MIOX: variants seen among roughly 807,000 people sequenced by gnomAD.
MIOX encodes the protein inositol oxygenase.
In MIOX, 51 loss-of-function variants were observed where a neutral mutation model predicts 42.7. That is an observed-to-expected ratio of 1.19 (90% CI 0.95 to 1.51). MIOX has a LOEUF of 1.51. Among genes scored for constraint, MIOX ranks in the 40% most tolerant of loss-of-function variants. The pLI, the probability that MIOX is intolerant of heterozygous loss-of-function variation, is 0.00. For missense variants in MIOX, 395 were observed against 381.3 expected (o/e 1.04, Z -0.30); for synonymous variants, 168 against 154.4 (o/e 1.09, Z -0.65).
chr22:50,490,183 T>A lies in MIOX; in HGVS notation c.*327T>A, dbSNP rs2068343746. 5 of 361,438 alleles carry A rather than the reference T, an allele frequency of 1.4e-5. No homozygotes were observed. Among genetic ancestry groups the A allele is most frequent in the Admixed American group, 4.0e-5 (1 of 24,796 alleles). 22.4% of individuals were successfully genotyped at this position (361,438 alleles called of 1,614,324 possible). A position where few individuals can be genotyped will look rare whatever the true frequency, so the allele number is the denominator to read the frequency against. On this transcript the variant is annotated 3_prime_UTR_variant, in exon 10 of 10. Transcript: ENST00000216075. ...GGCCGTGGTAAACATCTGCCCATCCTCCCAGCTCCTGTGTCAGAGCCTGGG... is the reference window on the plus strand; with the variant it reads ...GGCCGTGGTAAACATCTGCCCATCCACCCAGCTCCTGTGTCAGAGCCTGGG...
rs533187669 is a variant in MIOX, at chr22:50,488,469, G to A, written c.408+127G>A. The A allele has an allele frequency of 6.3e-4, 450 of 713,690 alleles. 5 individuals are homozygous for A. In the East Asian group the frequency reaches 0.011, roughly 17 times the overall value. 44.2% of individuals were successfully genotyped at this position (713,690 alleles called of 1,614,324 possible). A position where few individuals can be genotyped will look rare whatever the true frequency, so the allele number is the denominator to read the frequency against. ...AGTGCACCCCCCACGGCCCCCCGAC[G>A]GCTGCCTGTCCCTCTGGTGGCCTCG... On this transcript the variant is annotated intron_variant, in intron 5 of 9. Coordinates refer to ENST00000216075, the MANE Select transcript of MIOX (RefSeq NM_017584.6).
chr22:50,487,538 GT>G, intron 2 of MIOX, 73 bp downstream of exon 2: 2 of 1,555,404 alleles, frequency 1.3e-6, no homozygotes, highest in Non-Finnish European at 1.8e-6. Context: ...CCTTCACACA[GT>G]TCCAGGGGGT....
rs2068341851 is a variant in MIOX at position 50,490,011 on chromosome 22, C to T, written c.*155C>T. ...CGCCACCCCTCACGGCAACTTGTGC[C>T]TGGCGTCAATAAAGACCTGGAAGGA... On this transcript the variant is annotated 3_prime_UTR_variant, in exon 10 of 10. Coordinates refer to ENST00000216075, the MANE Select transcript of MIOX (RefSeq NM_017584.6). The T allele has an allele frequency of 4.7e-6, 3 of 645,108 alleles. No homozygotes were observed. The highest frequency in any genetic ancestry group is 8.1e-6 in the Non-Finnish European group (3 of 368,130). The allele number at this position is 645,108 out of a possible 1,614,324, so 40.0% of individuals were successfully genotyped here.
At chr22:50,487,543 AG>A (rs1184560140) in intron 2 of MIOX, 78 bp downstream of exon 2, 11 of 1,553,096 alleles carry the variant, frequency 7.1e-6, no homozygotes, top group South Asian at 4.6e-5. Flanking sequence ...ACACAGTTCC[AG>A]GGGGTGCCCT....
intron 5 of MIOX, 48 bp downstream of exon 5, chr22:50,488,390 T>G (rs1342754024): frequency 8.0e-6 from 12 of 1,503,958 alleles, no homozygotes; most frequent in Non-Finnish European, 1.8e-6. Flanking sequence ...TGAGGCAAGG[T>G]GGGGGTGGAG....
At chr22:50,488,655 C>T (rs867788862) in intron 5 of MIOX, among the ~76,000 whole-genome samples, 3 of 146,912 alleles carry the variant, frequency 2.0e-5, no homozygotes, top group African/African-American at 7.6e-5. Context: ...ACTCCCCCCA[C>T]GGCCCCCCAT....
rs748064756 is a variant in MIOX at position 50,489,633 on chromosome 22, G to A, written c.738G>A (p.Val246=). ...AGGACCTGGCCATGCTGCCCTGGGT[G>A]CGGGAGTTCAAGTACGCCCCGCTAC... The part of the protein sequence containing the change: ...SQQDLAMLPW[V]REFNKFDLYT... Residue 246 remains valine (V), a synonymous_variant, in exon 9 of 10, where the codon GTG becomes GTA. Coordinates refer to ENST00000216075, the MANE Select transcript of MIOX (RefSeq NM_017584.6). The A allele has an allele frequency of 1.2e-6, 2 of 1,611,796 alleles. No individual in the cohort carries two copies. Among genetic ancestry groups the A allele is most frequent in the Admixed American group, 1.7e-5 (1 of 59,964 alleles).
chr22:50,488,535 ACCCCCCACGGCC>A (rs2148635716), intron 5 of MIOX, among the ~76,000 whole-genome samples, 193 bp downstream of exon 5: 1 of 37,726 alleles, frequency 2.7e-5, no homozygotes, highest in Admixed American at 4.5e-4. Context: ...AGGCCAGTGC[ACCCCCCACGGCC>A]CCCCCCACGG....
intron 2 of MIOX, 97 bp from the exon 3 acceptor site, chr22:50,487,565 C>A: frequency 6.5e-7 from 1 of 1,541,966 alleles, no homozygotes; most frequent in Non-Finnish European, 8.9e-7. Flanking sequence ...GTGGGAACTC[C>A]CACCCCCATC....
chr22:50,488,016 C>G lies in MIOX; in HGVS notation c.308C>G (p.Ala103Gly). The change falls in exon 4 of 10, where the codon GCG becomes GGG. Residue 103 changes from alanine (A) to glycine (G), a missense_variant. By Grantham distance (60) the Ala-to-Gly change is moderately conservative. Transcript: ENST00000216075. ...FPNSFHAFQT[A>G]EGIRKAHPDK... ...AACTCCTTCCATGCCTTCCAGACAGCGGAGGGCATCCGGAAGGCCCACCCA... is the reference window on the plus strand; with the variant it reads ...AACTCCTTCCATGCCTTCCAGACAGGGGAGGGCATCCGGAAGGCCCACCCA... 6.2e-7 allele frequency: 1 copy of G among 1,613,862 alleles called. No individual in the cohort carries two copies. Among genetic ancestry groups the G allele is most frequent in the South Asian group, 1.1e-5 (1 of 91,086 alleles).
rs1440310495 is a variant in MIOX, at chr22:50,489,840, G to T, written c.842G>T (p.Gly281Val). 1 of 1,610,430 alleles carries T rather than the reference G, an allele frequency of 6.2e-7. No homozygotes were observed. Among genetic ancestry groups the T allele is most frequent in the African/African-American group, 1.3e-5 (1 of 74,982 alleles). The change falls in exon 10 of 10, where the codon GGC becomes GTC. Residue 281 changes from glycine (G) to valine (V), a missense_variant. By Grantham distance (109) the Gly-to-Val change is moderately radical. Transcript: ENST00000216075. ...GGGCTCATTGACAAGTACTGCCCTG[G>T]CATCCTGAGCTGGTGACCCTCCTGC... ...YQGLIDKYCP[G>V]ILSW
At chr22:50,488,941 A>G in intron 5 of MIOX, 99 bp from the exon 6 acceptor site, 1 of 713,474 alleles carries the variant, frequency 1.4e-6, no homozygotes, top group Non-Finnish European at 2.2e-6. Context: ...CACTCCCCCC[A>G]TGGCCGCCCG....
At chr22:50,488,630 C>T (rs1388645457) in intron 5 of MIOX, among the ~76,000 whole-genome samples, 1 of 117,730 alleles carries the variant, frequency 8.5e-6, no homozygotes, top group Non-Finnish European at 1.8e-5. Context: ...GCACCCCCCA[C>T]GGCCTCCCCG....
At position 50,487,666 on chromosome 22, in the gene MIOX, G is replaced by T; in HGVS notation, c.101G>T (p.Gly34Val). 8 of 1,612,948 alleles carry T rather than the reference G, an allele frequency of 5.0e-6. No individual in the cohort carries two copies. The highest frequency in any genetic ancestry group is 5.1e-6 in the Non-Finnish European group (6 of 1,179,682). Residue 34 changes from glycine to valine, a missense_variant, in exon 3 of 10, where the codon GGT becomes GTT. By Grantham distance (109) the Gly-to-Val change is moderately radical. Transcript: ENST00000216075. ...CACTGACCCTCCGGCCTGCAGTCAG[G>T]TCCCCTCCTGGACCGTGTCTTCACC... ...DKASFRNYTS[G>V]PLLDRVFTTY...
chr22:50,489,166 A>T lies in MIOX; in HGVS notation c.518+17A>T. On this transcript the variant is annotated intron_variant, in intron 6 of 9. Transcript: ENST00000216075. ...TCGATACAGGTGCTCCCTGCTGCTG[A>T]GGGCTGGGCCCCCTTCCCTGGGCGG... 1 of 1,612,618 alleles carries T rather than the reference A, an allele frequency of 6.2e-7. No homozygotes were observed. The highest frequency in any genetic ancestry group is 1.3e-5 in the African/African-American group (1 of 74,906).
At chr22:50,488,544 G>A (rs879007673) in intron 5 of MIOX, among the ~76,000 whole-genome samples, 3 of 80,906 alleles carry the variant, frequency 3.7e-5, no homozygotes, top group East Asian at 6.6e-4. Flanking sequence ...CACCCCCCAC[G>A]GCCCCCCCCA....
rs2068278091 is a variant in MIOX at position 50,487,061 on chromosome 22, T to C, written c.15+149T>C. 3.7e-6 allele frequency: 4 copies of C among 1,067,000 alleles called. No individual in the cohort carries two copies. The South Asian group carries it at 5.5e-5, about 15-fold the overall frequency. The allele number at this position is 1,067,000 out of a possible 1,614,324, so 66.1% of individuals were successfully genotyped here. On this transcript the variant is annotated intron_variant, in intron 1 of 9. Coordinates refer to ENST00000216075, the MANE Select transcript of MIOX (RefSeq NM_017584.6). ...CGGCTGCCGACCCCCAGGCTCCCTGTGGACTCAGTCTCCTCCCAAAGCCAC... is the reference window on the plus strand; with the variant it reads ...CGGCTGCCGACCCCCAGGCTCCCTGCGGACTCAGTCTCCTCCCAAAGCCAC...
At chr22:50,488,915 C>T (rs1300288641) in intron 5 of MIOX, 125 bp from the exon 6 acceptor site, 34 of 657,550 alleles carry the variant, frequency 5.2e-5, no homozygotes, top group Non-Finnish European at 7.3e-5. Context: ...GGGCAGTCAT[C>T]GGTGACACCT....
Position 50,489,271 on chromosome 22 carries a change from G to A in MIOX, c.562G>A (p.Val188Ile). 1 of 1,596,922 alleles carries A rather than the reference G, an allele frequency of 6.3e-7. No homozygotes were observed. Residue 188 changes from valine to isoleucine, a missense_variant, in exon 7 of 10, where the codon GTC becomes ATC. Transcript: ENST00000216075. ...MYQPHCGLDR[V>I]LMSWGHDEYM... ...TCAGCCCCACTGTGGGCTCGACAGG[G>A]TCCTCATGTCCTGGGGCCATGATGG...
Sources: gnomAD v4.1 joint callset for allele counts (sites outside exome capture counted in the v4.1 genomes callset) on GRCh38, gnomAD v4.1.1 for gene constraint, MANE v1.5 for transcripts, NCBI Gene and HGNC (gene_info 2026-07-23, HGNC 2026-07-21) for gene names.